Variants in IGF1R observed in about 807,000 individuals in gnomAD.
IGF1R encodes insulin-like growth factor 1 receptor.
IGF1R carries 44 observed loss-of-function variants against 144.6 expected under a neutral mutation model. The ratio of observed to expected loss-of-function variants is 0.30; its 90% CI spans 0.24 to 0.39. IGF1R has a LOEUF of 0.39. Ranked by LOEUF, IGF1R falls within the 10% of genes least tolerant of loss-of-function variation. IGF1R has a pLI of 1.00. For missense variants in IGF1R, 1,355 were observed against 1,833.7 expected, an observed-to-expected ratio of 0.74 and a Z score of 4.77; for synonymous variants, 795 against 722.8, an observed-to-expected ratio of 1.10 and a Z score of -1.60.
At chr15:98,814,501 T>C (rs1258110696) in intron 2 of IGF1R, among the ~76,000 whole-genome samples, 1 of 152,170 alleles carries the variant, frequency 6.6e-6, no homozygotes, top group Non-Finnish European at 1.5e-5. Context: ...TATGTGCCAC[T>C]ATGCCCAGCT....
intron 10 of IGF1R, among the ~76,000 whole-genome samples, chr15:98,918,865 C>T (rs1416701301): frequency 4.0e-5 from 6 of 151,794 alleles, no homozygotes; most frequent in Non-Finnish European, 5.9e-5. Context: ...GACAACAGAA[C>T]GAGACTCCAT....
At chr15:98,872,420 C>T (rs552078468) in intron 2 of IGF1R, among the ~76,000 whole-genome samples, 1 of 152,164 alleles carries the variant, frequency 6.6e-6, no homozygotes, top group Non-Finnish European at 1.5e-5. Flanking sequence ...GAGAGACCAG[C>T]GGGTCATAAT....
intron 2 of IGF1R, among the ~76,000 whole-genome samples, chr15:98,865,151 A>G (rs559416688): frequency 1.3e-5 from 2 of 152,324 alleles, no homozygotes; most frequent in African/African-American, 4.8e-5. Context: ...TACTAAGTAT[A>G]TACTATATAG....
chr15:98,759,918 G>A (rs986752620), intron 2 of IGF1R, among the ~76,000 whole-genome samples: 3 of 152,186 alleles, frequency 2.0e-5, no homozygotes, highest in Admixed American at 6.5e-5. Context: ...CCGTGGTACC[G>A]TGAGACTTCT....
intron 19 of IGF1R, among the ~76,000 whole-genome samples, chr15:98,947,491 C>T (rs2016597611): frequency 6.6e-6 from 1 of 152,136 alleles, no homozygotes; most frequent in Admixed American, 6.6e-5. Context: ...CCCGCCCCTA[C>T]TTGGTGATGA....
chr15:98,878,672 A>C (rs2013189871), intron 2 of IGF1R, among the ~76,000 whole-genome samples: 1 of 84,258 alleles, frequency 1.2e-5, no homozygotes, highest in African/African-American at 3.6e-5. Flanking sequence ...TCAAAAAAAA[A>C]AAAAAAAAAA....
intron 19 of IGF1R, among the ~76,000 whole-genome samples, chr15:98,943,480 G>C (rs1211171852): frequency 6.6e-6 from 1 of 152,162 alleles, no homozygotes; most frequent in Non-Finnish European, 1.5e-5. Flanking sequence ...CAAAGCTTAT[G>C]AGTCCTGATT....
chr15:98,895,233 C>CAGACACACAG (rs201501197), intron 3 of IGF1R, among the ~76,000 whole-genome samples: 6 of 61,494 alleles, frequency 9.8e-5, no homozygotes, highest in Admixed American at 4.9e-4. Context: ...CACACACACA[C>CAGACACACAG]ACACACACAC....
chr15:98,913,603 G>C (rs2015117433), intron 8 of IGF1R, among the ~76,000 whole-genome samples: 1 of 152,152 alleles, frequency 6.6e-6, no homozygotes, highest in Admixed American at 6.5e-5. Context: ...TGTTTGTTTT[G>C]ATGTTCAATC....
chr15:98,650,501 A>G (rs1231190269), intron 1 of IGF1R, among the ~76,000 whole-genome samples: 1 of 152,168 alleles, frequency 6.6e-6, no homozygotes, highest in Admixed American at 6.5e-5. Context: ...ATGGTCTCCC[A>G]GTTTCTCCCG....
At chr15:98,768,387 C>T (rs1461407622) in intron 2 of IGF1R, among the ~76,000 whole-genome samples, 2 of 151,998 alleles carry the variant, frequency 1.3e-5, no homozygotes, top group Admixed American at 6.6e-5. Flanking sequence ...GAGGCTGAGG[C>T]GGGTGGATCA....
chr15:98,663,361 A>G (rs2052645635), intron 1 of IGF1R, among the ~76,000 whole-genome samples: 1 of 152,222 alleles, frequency 6.6e-6, no homozygotes, highest in African/African-American at 2.4e-5. Flanking sequence ...GAGCTAGGGG[A>G]GAGCACACCT....
chr15:98,829,924 G>A (rs991184778), intron 2 of IGF1R, among the ~76,000 whole-genome samples: 1 of 152,146 alleles, frequency 6.6e-6, no homozygotes, highest in Non-Finnish European at 1.5e-5. Flanking sequence ...AGTGTGAAAG[G>A]CAAAGTATGA....
chr15:98,777,604 G>A (rs58488729), intron 2 of IGF1R, among the ~76,000 whole-genome samples: 2,373 of 152,312 alleles, frequency 0.016, 61 homozygotes, highest in African/African-American at 0.054. Context: ...TGAGCTGCCG[G>A]GGAATGACCC....
chr15:98,786,077 C>A (rs912186633), intron 2 of IGF1R, among the ~76,000 whole-genome samples: 1 of 152,202 alleles, frequency 6.6e-6, no homozygotes, highest in Non-Finnish European at 1.5e-5. Context: ...CCCCAGAAAT[C>A]ACGTGCACTC....
At chr15:98,786,645 C>G (rs1302519051) in intron 2 of IGF1R, among the ~76,000 whole-genome samples, 1 of 152,158 alleles carries the variant, frequency 6.6e-6, no homozygotes, top group Non-Finnish European at 1.5e-5. Flanking sequence ...AAACCACTGT[C>G]TTTTTTTGTT....
chr15:98,786,260 G>A (rs1272940438), intron 2 of IGF1R, among the ~76,000 whole-genome samples: 1 of 152,212 alleles, frequency 6.6e-6, no homozygotes, highest in Admixed American at 6.5e-5. Flanking sequence ...CAAGGTGGAG[G>A]AAAACCTGAG....
At chr15:98,708,154 TCTC>T (rs772944041) in intron 2 of IGF1R, 47 bp downstream of exon 2, 3 of 1,509,648 alleles carry the variant, frequency 2.0e-6, no homozygotes, top group Non-Finnish European at 1.8e-6. Context: ...CTCTCTCTCC[TCTC>T]CTCCTCCTTG....
At chr15:98,773,156 T>G (rs2055630906) in intron 2 of IGF1R, among the ~76,000 whole-genome samples, 1 of 152,168 alleles carries the variant, frequency 6.6e-6, no homozygotes, top group South Asian at 2.1e-4. Flanking sequence ...CTCAGTTCTT[T>G]TTTGTTTTGT....
Sources: allele counts gnomAD v4.1 joint callset (sites outside exome capture counted in the v4.1 genomes callset), GRCh38; gene constraint gnomAD v4.1.1; transcripts MANE v1.5; gene names NCBI Gene and HGNC (gene_info 2026-07-23, HGNC 2026-07-21).